The following CEACAM5 variants were observed in gnomAD, a reference collection of about 807,000 sequenced individuals.
The protein encoded by CEACAM5 is CEA cell adhesion molecule 5.
Under a neutral mutation model 63.0 loss-of-function variants are expected in CEACAM5, and 52 were observed. That is an observed-to-expected ratio of 0.83 (90% CI 0.66 to 1.04). The LOEUF (loss-of-function observed/expected upper bound fraction) is 1.04, where lower values mean the gene tolerates loss of function less well. Among genes scored for constraint, CEACAM5 ranks in the 50% least tolerant of loss-of-function variants. CEACAM5 has a pLI of 0.00. For missense variants in CEACAM5, 790 were observed against 864.8 expected (o/e 0.91, Z 1.08); for synonymous variants, 357 against 351.3 (o/e 1.02, Z -0.18).
intron 2 of CEACAM5, among the ~76,000 whole-genome samples, chr19:41,712,329 TC>T (rs1392059826): frequency 1.3e-5 from 2 of 152,068 alleles, no homozygotes; most frequent in African/African-American, 2.4e-5. Flanking sequence ...TAAGGTGGAG[TC>T]CCTTGGACTG....
chr19:41,721,754 G>A (rs1353426805), intron 8 of CEACAM5, among the ~76,000 whole-genome samples: 2 of 152,222 alleles, frequency 1.3e-5, no homozygotes, highest in Non-Finnish European at 2.9e-5. Flanking sequence ...TTTGAATCTG[G>A]GTAAATCAAG....
In CEACAM5 at chr19:41,719,918, T is replaced by C. The variant is rs183769659; in HGVS notation, c.1493-12T>C. ...GCCACACAGGGCAATCTTCTCTCTG[T>C]TATCTGCACAGCGGAGCTGCCCAAG... On this transcript the variant is annotated splice_polypyrimidine_tract_variant and intron_variant, in intron 6 of 9. Coordinates refer to ENST00000221992, the MANE Select transcript of CEACAM5 (RefSeq NM_004363.6). 5 of 1,614,082 alleles carry C rather than the reference T, an allele frequency of 3.1e-6. No homozygotes were observed. The East Asian group carries it at 8.9e-5, about 29-fold the overall frequency.
In CEACAM5 at chr19:41,719,974, G is replaced by A. The variant is rs138295038; in HGVS notation, c.1537G>A (p.Val513Met). 61 of 1,614,228 alleles carry A rather than the reference G, an allele frequency of 3.8e-5. 1 individual carries two copies. Among genetic ancestry groups the A allele is most frequent in the African/African-American group, 2.8e-4 (21 of 75,050 alleles). ...PSISSNNSKP[V>M]EDKDAVAFTC... ...CATCTCCAGCAACAACTCCAAACCC[G>A]TGGAGGACAAGGATGCTGTGGCCTT... is the stretch of plus-strand genomic sequence containing the variant. The change falls in exon 7 of 10, where the codon GTG becomes ATG. Residue 513 changes from valine to methionine, a missense_variant. By Grantham distance (21) the Val-to-Met change is conservative (BLOSUM62 1). Transcript: ENST00000221992.
chr19:41,715,793 G>C lies in CEACAM5; in HGVS notation c.847G>C (p.Glu283Gln), dbSNP rs182078144. 1 of 1,614,148 alleles carries C rather than the reference G, an allele frequency of 6.2e-7. No homozygotes were observed. The highest frequency in any genetic ancestry group is 8.5e-7 in the Non-Finnish European group (1 of 1,180,040). Residue 283 changes from glutamate to glutamine, a missense_variant, in exon 4 of 10, where the codon GAG becomes CAG. Coordinates refer to ENST00000221992, the MANE Select transcript of CEACAM5 (RefSeq NM_004363.6). ...TGGGACTTTCCAGCAATCCACCCAAGAGCTCTTTATCCCCAACATCACTGT... is the reference window on the plus strand; with the variant it reads ...TGGGACTTTCCAGCAATCCACCCAACAGCTCTTTATCCCCAACATCACTGT... ...VNGTFQQSTQ[E>Q]LFIPNITVNN... is the part of the protein sequence containing the mutation.
intron 6 of CEACAM5, 76 bp downstream of exon 6, chr19:41,718,458 A>G (rs2072564567): frequency 6.5e-7 from 1 of 1,546,490 alleles, no homozygotes; most frequent in Non-Finnish European, 8.8e-7. Context: ...AGCCAGGAAG[A>G]AATTTTCTTT....
chr19:41,716,006 G>A, intron 4 of CEACAM5, 102 bp downstream of exon 4: 2 of 1,347,334 alleles, frequency 1.5e-6, no homozygotes, highest in Non-Finnish European at 2.1e-6. Flanking sequence ...CCTGTGTCCA[G>A]TGGGCACAAG....
In CEACAM5 at chr19:41,715,083, G is replaced by T. The variant is rs782396480; in HGVS notation, c.537G>T (p.Trp179Cys). 6.2e-7 allele frequency: 1 copy of T among 1,614,160 alleles called. No individual in the cohort carries two copies. Among genetic ancestry groups the T allele is most frequent in the South Asian group, 1.1e-5 (1 of 91,082 alleles). ...CTCAGGACGCAACCTACCTGTGGTG[G>T]GTAAACAATCAGAGCCTCCCGGTCA... Reference protein sequence around the residue: ...PETQDATYLWWVNNQSLPVSP... With the variant: ...PETQDATYLWCVNNQSLPVSP... The change falls in exon 3 of 10, where the codon TGG becomes TGT. Residue 179 changes from tryptophan to cysteine, a missense_variant. Trp to Cys is a radical substitution (Grantham distance 215). Coordinates refer to ENST00000221992, the MANE Select transcript of CEACAM5 (RefSeq NM_004363.6).
At chr19:41,718,931 G>T (rs1244207586) in intron 6 of CEACAM5, among the ~76,000 whole-genome samples, 4 of 152,250 alleles carry the variant, frequency 2.6e-5, no homozygotes, top group Non-Finnish European at 5.9e-5. Flanking sequence ...ATGTGGAGAA[G>T]GTGCTCAGGT....
intron 1 of CEACAM5, 46 bp downstream of exon 1, chr19:41,708,841 G>C: frequency 3.4e-6 from 2 of 595,576 alleles, no homozygotes; most frequent in Non-Finnish European, 4.9e-6. Context: ...GGGAGCTGGG[G>C]TCTCCTGGGT....
intron 1 of CEACAM5, 116 bp from the exon 2 acceptor site, chr19:41,709,564 A>ACACACACT (rs1309867435): frequency 1.6e-5 from 22 of 1,348,242 alleles, no homozygotes; most frequent in Non-Finnish European, 2.2e-5. Flanking sequence ...ACACACACAC[A>ACACACACT]CACTCACTCA....
At chr19:41,721,242 A>G in intron 8 of CEACAM5, 66 bp downstream of exon 8, 1 of 1,551,750 alleles carries the variant, frequency 6.4e-7, no homozygotes, top group Non-Finnish European at 8.9e-7. Context: ...CTCACCAAAG[A>G]GCCAAGAAGA....
chr19:41,728,169 A>C (rs377653481), intron 9 of CEACAM5, among the ~76,000 whole-genome samples: 1 of 152,262 alleles, frequency 6.6e-6, no homozygotes. Flanking sequence ...GAAATGAAGA[A>C]GGCAAGGTCC....
At chr19:41,724,273 G>A (rs1254492051) in intron 8 of CEACAM5, among the ~76,000 whole-genome samples, 4 of 152,076 alleles carry the variant, frequency 2.6e-5, no homozygotes, top group African/African-American at 9.7e-5. Context: ...AAAATCATTT[G>A]GCCATATATG....
At chr19:41,722,891 T>TTTTG (rs372037041) in intron 8 of CEACAM5, among the ~76,000 whole-genome samples, 3,499 of 151,820 alleles carry the variant, frequency 0.023, 113 homozygotes, top group African/African-American at 0.071. Flanking sequence ...TAATTCTTTT[T>TTTTG]TTTGTTTGTT....
chr19:41,709,472 A>G (rs1294651926), intron 1 of CEACAM5, among the ~76,000 whole-genome samples: 1 of 152,058 alleles, frequency 6.6e-6, no homozygotes, highest in African/African-American at 2.4e-5. Flanking sequence ...GATTCCACAC[A>G]GGGAAATGCC....
intron 8 of CEACAM5, among the ~76,000 whole-genome samples, chr19:41,721,481 G>A (rs1298030928): frequency 3.3e-5 from 5 of 152,260 alleles, no homozygotes; most frequent in African/African-American, 1.2e-4. Flanking sequence ...TTAAGGTCGA[G>A]TTGCTCCTCT....
intron 6 of CEACAM5, among the ~76,000 whole-genome samples, chr19:41,718,908 G>T (rs1181523809): frequency 3.9e-5 from 6 of 152,268 alleles, no homozygotes; most frequent in South Asian, 2.1e-4. Context: ...TTCACCTGGG[G>T]TGGGATCCGG....
At position 41,722,947 on chromosome 19, in the gene CEACAM5, G is replaced by T. The variant is rs782447674; in HGVS notation, c.2026+1771G>T. Among the ~76,000 whole-genome samples the T allele has an allele frequency of 3.3e-4, 50 of 151,970 alleles. 1 individual carries two copies. The highest frequency in any genetic ancestry group is 1.9e-4 in the East Asian group (1 of 5,170). ...TTTTGAGATGGAGTCTCGCTCTGTC[G>T]ACCAGGCTGGAGTGCACTGGCGCGA... On this transcript the variant is annotated intron_variant, in intron 8 of 9. Transcript: ENST00000221992.
In CEACAM5 at chr19:41,708,632, A is replaced by G. The variant is rs2072380706; in HGVS notation, c.-100A>G. On this transcript the variant is annotated 5_prime_UTR_variant, in exon 1 of 10. Transcript: ENST00000221992. ...CTAGGAAGAGACTCAGGGCAGAGGGAGGAAGGACAGCAGACCAGACAGTCA... is the reference window on the plus strand; with the variant it reads ...CTAGGAAGAGACTCAGGGCAGAGGGGGGAAGGACAGCAGACCAGACAGTCA... 5 of 1,029,148 alleles carry G rather than the reference A, an allele frequency of 4.9e-6. No homozygotes were observed. The East Asian group carries it at 1.3e-4, about 26-fold the overall frequency. 63.8% of individuals were successfully genotyped at this position (1,029,148 alleles called of 1,614,324 possible).
Sources: allele counts gnomAD v4.1 joint callset (sites outside exome capture counted in the v4.1 genomes callset), GRCh38; gene constraint gnomAD v4.1.1; transcripts MANE v1.5; gene names NCBI Gene and HGNC (gene_info 2026-07-23, HGNC 2026-07-21).